UNC13B: variants seen among roughly 807,000 people sequenced by gnomAD.
UNC13B encodes the protein unc-13 homolog B.
UNC13B carries 144 observed loss-of-function variants against 211.0 expected under a neutral mutation model. That is an observed-to-expected ratio of 0.68 (90% CI 0.60 to 0.78). UNC13B has a LOEUF of 0.78. Ranked by LOEUF, UNC13B falls within the 30% of genes least tolerant of loss-of-function variation. The probability of loss-of-function intolerance (pLI) is 0.00; values close to 1 mark genes in which losing one functional copy is unlikely to be tolerated. For synonymous variants in UNC13B, 709 were observed against 725.8 expected (o/e 0.98, Z 0.37); for missense variants, 1,777 against 2,002.0 (o/e 0.89, Z 2.14).
In UNC13B at chr9:35,303,369, A is replaced by G. The variant is rs553428391; in HGVS notation, c.3965A>G (p.His1322Arg). The stretch of plus-strand genomic sequence containing the variant: ...AACCATGTTCTTGAGGCAAAACTAC[A>G]TGAAAATTCAAACAAGTTAAATTCA... ...MPNHVLEAKLHENSNKLNSPV... is the reference protein window; with the variant it reads ...MPNHVLEAKLRENSNKLNSPV... Residue 1322 changes from histidine to arginine, a missense_variant, in exon 9 of 40, where the codon CAT becomes CGT. Coordinates refer to ENST00000635942, the MANE Select transcript of UNC13B (RefSeq NM_001371189.2). The G allele has an allele frequency of 7.5e-6, 3 of 398,718 alleles. No individual in the cohort carries two copies. The highest frequency in any genetic ancestry group is 2.1e-5 in the African/African-American group (1 of 48,754). 24.7% of individuals were successfully genotyped at this position (398,718 alleles called of 1,614,324 possible). A position where few individuals can be genotyped will look rare whatever the true frequency, so the allele number is the denominator to read the frequency against.
chr9:35,369,106 G>A (rs1833958630), intron 12 of UNC13B, among the ~76,000 whole-genome samples: 1 of 152,152 alleles, frequency 6.6e-6, no homozygotes, highest in South Asian at 2.1e-4. Flanking sequence ...AAAGCCTACT[G>A]CCTATGTTCA....
At position 35,397,638 on chromosome 9, in the gene UNC13B, A is replaced by G. The variant is rs2132354875; in HGVS notation, c.11680A>G (p.Ile3894Val). The change falls in exon 30 of 40, where the codon ATC (isoleucine) becomes GTC (valine). Residue 3894 changes from isoleucine (I) to valine (V), a missense_variant. Coordinates refer to ENST00000635942, the MANE Select transcript of UNC13B (RefSeq NM_001371189.2). ...AHYMRRFAKT[I>V]GKVLMQYADI... ...CTTTCCTTTCTCCTCTTCTCAGACC[A>G]TCGGGAAGGTGCTGATGCAGTATGC... 1.2e-6 allele frequency: 2 copies of G among 1,613,376 alleles called. No individual in the cohort carries two copies. Among genetic ancestry groups the G allele is most frequent in the Non-Finnish European group, 8.5e-7 (1 of 1,179,730 alleles).
intron 5 of UNC13B, among the ~76,000 whole-genome samples, chr9:35,242,722 A>T (rs1825875633): frequency 3.3e-5 from 5 of 152,134 alleles, no homozygotes; most frequent in Admixed American, 3.3e-4. Flanking sequence ...ACTCTTGGCT[A>T]TTGTGAATAA....
rs1348791963 is a variant in UNC13B at position 35,300,449 on chromosome 9, A to G, written c.1045A>G (p.Arg349Gly). ...TGATTATGATCTGTCCAGTTGTTTA[A>G]GGCACTGTGAAAAGTCATCTGGCTC... The part of the protein sequence containing the change: ...SHDYDLSSCL[R>G]HCEKSSGSNQ... The change falls in exon 9 of 40, where the codon AGG (arginine) becomes GGG (glycine). Residue 349 changes from arginine to glycine, a missense_variant. Physicochemically the swap from Arg to Gly is moderately radical, Grantham distance 125 (BLOSUM62 -2). Transcript: ENST00000635942. 1.5e-5 allele frequency: 6 copies of G among 399,022 alleles called. No homozygotes were observed. The highest frequency in any genetic ancestry group is 2.7e-5 in the Non-Finnish European group (6 of 226,048). 24.7% of individuals were successfully genotyped at this position (399,022 alleles called of 1,614,324 possible).
intron 26 of UNC13B, among the ~76,000 whole-genome samples, chr9:35,390,993 C>T (rs773835002): frequency 6.6e-5 from 10 of 152,176 alleles, no homozygotes; most frequent in Non-Finnish European, 1.3e-4. Context: ...ATGAAATTCT[C>T]CCATGGTGGG....
chr9:35,316,560 T>C (rs963309985), intron 11 of UNC13B, among the ~76,000 whole-genome samples: 6 of 152,200 alleles, frequency 3.9e-5, no homozygotes, highest in South Asian at 2.1e-4. Flanking sequence ...AAACTCATAA[T>C]TGCATGCTCT....
rs754163084 is a variant in UNC13B, at chr9:35,367,004, C to G, written c.9461+11C>G. Reference sequence around the variant, plus strand: ...GTGGCTCCCGGAAGGGTAAGTAATTCACTGCAAGGTTTCTGTGGATTTTAT... The same window carrying G: ...GTGGCTCCCGGAAGGGTAAGTAATTGACTGCAAGGTTTCTGTGGATTTTAT... On this transcript the variant is annotated intron_variant, in intron 12 of 39. Coordinates refer to ENST00000635942, the MANE Select transcript of UNC13B (RefSeq NM_001371189.2). The G allele has an allele frequency of 6.2e-7, 1 of 1,611,938 alleles. No individual in the cohort carries two copies. The highest frequency in any genetic ancestry group is 1.1e-5 in the South Asian group (1 of 91,020).
chr9:35,364,962 G>A (rs1025357553), intron 11 of UNC13B, among the ~76,000 whole-genome samples: 2 of 152,132 alleles, frequency 1.3e-5, no homozygotes, highest in African/African-American at 4.8e-5. Flanking sequence ...TAAAACCTTG[G>A]CTGAGCCCAG....
chr9:35,167,299 A>T (rs765452255), intron 1 of UNC13B, among the ~76,000 whole-genome samples: 5 of 151,708 alleles, frequency 3.3e-5, no homozygotes, highest in South Asian at 2.1e-4. Flanking sequence ...GGTCTCGATC[A>T]CCTTACTTCA....
intron 1 of UNC13B, among the ~76,000 whole-genome samples, chr9:35,184,053 C>A (rs1019713244): frequency 6.8e-6 from 1 of 146,796 alleles, no homozygotes; most frequent in African/African-American, 2.6e-5. Flanking sequence ...CAGGCAGAGG[C>A]GCTCCTCACA....
At chr9:35,327,169 T>C (rs1191394483) in intron 11 of UNC13B, among the ~76,000 whole-genome samples, 1 of 152,142 alleles carries the variant, frequency 6.6e-6, no homozygotes, top group Admixed American at 6.5e-5. Flanking sequence ...TTTTCTAGGG[T>C]GTGGAAGTAG....
At chr9:35,192,089 C>G (rs542352962) in intron 1 of UNC13B, among the ~76,000 whole-genome samples, 6 of 152,292 alleles carry the variant, frequency 3.9e-5, no homozygotes, top group Admixed American at 3.9e-4. Flanking sequence ...ACCCTTTTGC[C>G]CACATGTCAG....
chr9:35,245,568 C>G (rs952161702), intron 6 of UNC13B, among the ~76,000 whole-genome samples: 11 of 139,270 alleles, frequency 7.9e-5, no homozygotes, highest in African/African-American at 2.9e-4. Context: ...TCTCATTGTT[C>G]AATTCCCACC....
intron 11 of UNC13B, chr9:35,361,658 T>TTA (rs1299614535): frequency 1.3e-5 from 2 of 152,230 alleles, no homozygotes; most frequent in African/African-American, 4.8e-5. Flanking sequence ...AGGAAGATGT[T>TTA]TATACAGACA....
intron 17 of UNC13B, among the ~76,000 whole-genome samples, chr9:35,380,134 G>T (rs540288281): frequency 6.6e-6 from 1 of 152,072 alleles, no homozygotes; most frequent in Non-Finnish European, 1.5e-5. Context: ...CTGGAGCTCC[G>T]TGGCATGTCT....
Position 35,370,379 on chromosome 9 carries a change from C to T in UNC13B, c.9523C>T (p.Pro3175Ser), listed in dbSNP as rs368072886. Reference sequence around the variant, plus strand: ...AGATTTACGCAGAAAGAAGCCACTGCCACTTGTCAGTGATCTGGTGAGTGA... The same window carrying T: ...AGATTTACGCAGAAAGAAGCCACTGTCACTTGTCAGTGATCTGGTGAGTGA... ...MPDLRRKKPL[P>S]LVSDLSLVQS... Residue 3175 changes from proline to serine, a missense_variant, in exon 13 of 40, where the codon CCA becomes TCA. Transcript: ENST00000635942. 7 of 1,613,714 alleles carry T rather than the reference C, an allele frequency of 4.3e-6. No homozygotes were observed. In the African/African-American group the frequency reaches 9.3e-5, roughly 22 times the overall value.
At chr9:35,326,831 C>T (rs1035096534) in intron 11 of UNC13B, among the ~76,000 whole-genome samples, 6 of 152,104 alleles carry the variant, frequency 3.9e-5, no homozygotes, top group Admixed American at 3.3e-4. Flanking sequence ...TAACTGAAAC[C>T]ACAGAAAGCA....
At chr9:35,205,361 A>G (rs73497387) in intron 1 of UNC13B, among the ~76,000 whole-genome samples, 3,965 of 152,038 alleles carry the variant, frequency 0.026, 174 homozygotes, top group African/African-American at 0.089. Context: ...GGTTTACTTT[A>G]AAAAAAATAG....
At position 35,399,169 on chromosome 9, in the gene UNC13B, T is replaced by A; in HGVS notation, c.12083T>A (p.Leu4028His). ...GTTGCCTGGACTTGCAGCCTCACCC[T>A]CTTTGCCACTGTGTGTGAGAAGACG... ...LMDFLDGNLT[L>H]FATVCEKTVL... Residue 4028 changes from leucine to histidine, a missense_variant, in exon 34 of 40, where the codon CTC (leucine) becomes CAC (histidine). Coordinates refer to ENST00000635942, the MANE Select transcript of UNC13B (RefSeq NM_001371189.2). 6.2e-7 allele frequency: 1 copy of A among 1,614,188 alleles called. No individual in the cohort carries two copies. The highest frequency in any genetic ancestry group is 8.5e-7 in the Non-Finnish European group (1 of 1,180,016).
Sources: gnomAD v4.1 joint callset for allele counts (sites outside exome capture counted in the v4.1 genomes callset) on GRCh38, gnomAD v4.1.1 for gene constraint, MANE v1.5 for transcripts, NCBI Gene and HGNC (gene_info 2026-07-23, HGNC 2026-07-21) for gene names.